Variants in MICAL3 observed in about 807,000 individuals in gnomAD.
The protein encoded by MICAL3 is microtubule associated monooxygenase, calponin and LIM domain containing 3.
MICAL3 carries 62 observed loss-of-function variants against 207.4 expected under a neutral mutation model. The ratio of observed to expected loss-of-function variants is 0.30; its 90% confidence interval spans 0.24 to 0.37. The LOEUF (loss-of-function observed/expected upper bound fraction) is 0.37, where lower values mean the gene tolerates loss of function less well. MICAL3 is among the 10% of genes least tolerant of loss of function. The probability of loss-of-function intolerance (pLI) is 1.00; values close to 1 mark genes in which losing one functional copy is unlikely to be tolerated. For missense variants in MICAL3, 2,368 were observed against 2,635.6 expected, an observed-to-expected ratio of 0.90 and a Z score of 2.22; for synonymous variants, 1,077 against 1,069.3, an observed-to-expected ratio of 1.01 and a Z score of -0.14.
chr22:17,978,017 T>C (rs1935734323), intron 1 of MICAL3, among the ~76,000 whole-genome samples: 1 of 151,520 alleles, frequency 6.6e-6, no homozygotes, highest in South Asian at 2.1e-4. Flanking sequence ...AGTGAAACTC[T>C]GTCTCATAAA....
intron 1 of MICAL3, among the ~76,000 whole-genome samples, chr22:18,018,768 C>CACACACACACATACACACA (rs1569169310): frequency 7.2e-6 from 1 of 138,168 alleles, no homozygotes; most frequent in African/African-American, 2.7e-5. Flanking sequence ...ATCTATCTAT[C>CACACACACACATACACACA]TACACACACA....
intron 19 of MICAL3, among the ~76,000 whole-genome samples, chr22:17,846,380 A>G (rs2587114): frequency 0.2 from 30,419 of 150,432 alleles, 3,168 homozygotes; most frequent in Middle Eastern, 0.29. Context: ...CTTCACCTCA[A>G]AATACCATGG....
At chr22:17,875,214 G>C (rs1349866912) in intron 16 of MICAL3, 2 of 305,760 alleles carry the variant, frequency 6.5e-6, no homozygotes, top group Non-Finnish European at 1.2e-5. Flanking sequence ...AACAGACCTG[G>C]ATGTGTCAGA....
chr22:17,956,645 G>A (rs938380685), intron 1 of MICAL3, among the ~76,000 whole-genome samples: 2 of 152,132 alleles, frequency 1.3e-5, no homozygotes, highest in South Asian at 4.2e-4. Flanking sequence ...CTCCAGCCTG[G>A]GCACAGCCGA....
chr22:17,964,913 G>T (rs533161950), intron 1 of MICAL3, among the ~76,000 whole-genome samples: 1 of 152,180 alleles, frequency 6.6e-6, no homozygotes, highest in African/African-American at 2.4e-5. Context: ...GACCGTAAGC[G>T]CACTGCTAAA....
chr22:17,862,421 G>A (rs921077558), intron 19 of MICAL3: 6 of 471,168 alleles, frequency 1.3e-5, no homozygotes, highest in Admixed American at 6.4e-5. Context: ...CACCACACCC[G>A]GCTAATTTTT....
intron 25 of MICAL3, 121 bp from the exon 26 acceptor site, chr22:17,819,250 C>CAGGATTTGGTTCATCTCAAA: frequency 9.6e-7 from 1 of 1,039,664 alleles, no homozygotes; most frequent in Non-Finnish European, 1.3e-6. Flanking sequence ...CTTCCCCGTC[C>CAGGATTTGGTTCATCTCAAA]TTCCAGCTGT....
chr22:17,872,087 G>A (rs2068038325), intron 16 of MICAL3, 64 bp from the exon 17 acceptor site: 1 of 1,434,066 alleles, frequency 7.0e-7, no homozygotes, highest in Non-Finnish European at 9.5e-7. Context: ...GGCCCTCCTA[G>A]AGGCACAGCC....
rs376654060 is a variant in MICAL3 at position 17,834,576 on chromosome 22, T to C, written c.2802-2469A>G. The stretch of plus-strand genomic sequence containing the variant: ...TACAAAAAATAAAGATAAAAATAAA[T>C]TAAAAATAACAAAAGCTCCTTATTC... On this transcript the variant is annotated intron_variant, in intron 20 of 31. Coordinates refer to ENST00000441493, the MANE Select transcript of MICAL3 (RefSeq NM_015241.3). The C allele has an allele frequency of 5.9e-5, 67 of 1,129,288 alleles. No individual in the cohort carries two copies. In the African/African-American group the frequency reaches 9.5e-4, roughly 16 times the overall value. The allele number at this position is 1,129,288 out of a possible 1,614,324, so 70.0% of individuals were successfully genotyped here.
At chr22:17,987,693 T>G (rs1290960216) in intron 1 of MICAL3, among the ~76,000 whole-genome samples, 3 of 152,214 alleles carry the variant, frequency 2.0e-5, no homozygotes, top group African/African-American at 7.2e-5. Flanking sequence ...ACTGGGAACT[T>G]TCTCGATCAC....
intron 29 of MICAL3, among the ~76,000 whole-genome samples, chr22:17,795,724 G>A (rs916472372): frequency 6.6e-6 from 1 of 152,252 alleles, no homozygotes; most frequent in Non-Finnish European, 1.5e-5. Context: ...TGCGCTGCGG[G>A]GCCGCTACCT....
intron 1 of MICAL3, chr22:18,007,252 C>A (rs948322495): frequency 1.3e-5 from 2 of 152,174 alleles, no homozygotes; most frequent in African/African-American, 4.8e-5. Context: ...ACCAGCATAT[C>A]ATTGTTACCA....
chr22:17,842,894 G>T (rs1294612928), intron 19 of MICAL3, among the ~76,000 whole-genome samples: 1 of 152,178 alleles, frequency 6.6e-6, no homozygotes, highest in Non-Finnish European at 1.5e-5. Context: ...GGCCGATGCA[G>T]GTGGATCACG....
intron 1 of MICAL3, among the ~76,000 whole-genome samples, chr22:17,973,349 C>A (rs981938637): frequency 9.2e-5 from 14 of 152,208 alleles, no homozygotes; most frequent in Non-Finnish European, 2.1e-4. Flanking sequence ...TTCTACCAGT[C>A]TGAAATCTGA....
intron 3 of MICAL3, among the ~76,000 whole-genome samples, chr22:17,903,577 C>T (rs1365406005): frequency 2.6e-5 from 4 of 152,244 alleles, no homozygotes; most frequent in Non-Finnish European, 4.4e-5. Flanking sequence ...ATCCTCCTCA[C>T]GTCATCTTGG....
At chr22:17,894,673 T>C (rs1930672743) in intron 10 of MICAL3, among the ~76,000 whole-genome samples, 1 of 151,610 alleles carries the variant, frequency 6.6e-6, no homozygotes, top group African/African-American at 2.4e-5. Flanking sequence ...GGTGGGTGCC[T>C]GTAATCCCAG....
At chr22:18,018,423 A>G (rs1924210093) in intron 1 of MICAL3, among the ~76,000 whole-genome samples, 1 of 152,188 alleles carries the variant, frequency 6.6e-6, no homozygotes. Context: ...AGTGTACACA[A>G]CAAAAATATA....
chr22:17,923,991 T>C (rs1487982155), intron 1 of MICAL3, among the ~76,000 whole-genome samples: 1 of 152,190 alleles, frequency 6.6e-6, no homozygotes, highest in African/African-American at 2.4e-5. Flanking sequence ...CTTCTTCACA[T>C]GGCAGCAACA....
chr22:17,876,748 G>GGGAGGTTAT (rs1928424651), intron 16 of MICAL3: 1 of 147,204 alleles, frequency 6.8e-6, no homozygotes, highest in Non-Finnish European at 1.5e-5. Context: ...ATGGAGGTTA[G>GGGAGGTTAT]GGAGGTTAAG....
Sources: allele counts gnomAD v4.1 joint callset (sites outside exome capture counted in the v4.1 genomes callset), GRCh38; gene constraint gnomAD v4.1.1; transcripts MANE v1.5; gene names NCBI Gene and HGNC (gene_info 2026-07-23, HGNC 2026-07-21).